Variants in RECK observed in about 807,000 individuals in gnomAD.
RECK encodes the protein reversion inducing cysteine rich protein with kazal motifs.
A neutral mutation model predicts 115.1 loss-of-function variants in RECK; 69 were observed. The ratio of observed to expected loss-of-function variants is 0.60; its 90% CI spans 0.49 to 0.73. The LOEUF is 0.73. Among genes scored for constraint, RECK ranks in the 30% least tolerant of loss-of-function variants. The pLI is 0.00. For synonymous variants in RECK, 414 were observed against 419.7 expected (o/e 0.99, Z 0.17); for missense variants, 1,047 against 1,203.7 (o/e 0.87, Z 1.93).
rs1440360945 is a variant in RECK, at chr9:36,094,257, TAAC to T, written c.1085+2917_1085+2919del. Among the ~76,000 whole-genome samples, 2 of 152,022 alleles carry T rather than the reference TAAC, an allele frequency of 1.3e-5. No homozygotes were observed. Among genetic ancestry groups the T allele is most frequent in the Non-Finnish European group, 2.9e-5 (2 of 67,962 alleles). ...AAGTAATTGGTTAAAGCAAAAATAA[TAAC>T]AATGTATTGTGGAATTTATACATAG... is the stretch of plus-strand genomic sequence containing the variant. On this transcript the variant is annotated intron_variant, in intron 10 of 20. Transcript: ENST00000377966. This position sits in a 1 kb window ranked among gnomAD's most constrained non-coding sequence, Gnocchi z 4.1.
At chr9:36,116,190 G>A (rs963970690) in intron 16 of RECK, among the ~76,000 whole-genome samples, 63 of 149,458 alleles carry the variant, frequency 4.2e-4, no homozygotes, top group African/African-American at 1.5e-3. Context: ...GTGCAATGGC[G>A]CGATATCAGC....
At chr9:36,057,882 G>A (rs1273408336) in intron 2 of RECK, among the ~76,000 whole-genome samples, 1 of 151,924 alleles carries the variant, frequency 6.6e-6, no homozygotes, top group Non-Finnish European at 1.5e-5. Flanking sequence ...CATTTATGCA[G>A]CCAAAAAACA....
intron 6 of RECK, among the ~76,000 whole-genome samples, chr9:36,074,437 A>G (rs1216591023): frequency 6.6e-6 from 1 of 152,234 alleles, no homozygotes; most frequent in South Asian, 2.1e-4. Context: ...ATGGGAAGAG[A>G]GAAATCCAAA....
intron 14 of RECK, among the ~76,000 whole-genome samples, chr9:36,109,406 G>A (rs988092455): frequency 6.6e-6 from 1 of 152,212 alleles, no homozygotes; most frequent in South Asian, 2.1e-4. Context: ...AAAGCAGAAG[G>A]GGCAGCCAGA....
chr9:36,094,677 T>G lies in RECK; in HGVS notation c.1085+3334T>G, dbSNP rs1157528556. Among the ~76,000 whole-genome samples the G allele has an allele frequency of 6.6e-6, 1 of 152,168 alleles. No individual in the cohort carries two copies. Among genetic ancestry groups the G allele is most frequent in the Admixed American group, 6.5e-5 (1 of 15,278 alleles). On this transcript the variant is annotated intron_variant, in intron 10 of 20. Coordinates refer to ENST00000377966, the MANE Select transcript of RECK (RefSeq NM_021111.3). The surrounding 1 kb of genome is among the most constrained non-coding windows in gnomAD (Gnocchi z 4.1). ...GAGGTTGTTAGAAAGACAAAGACTA[T>G]TATTGGAGATAAAGAGTATCACCTT... is the stretch of plus-strand genomic sequence containing the variant.
At chr9:36,108,900 C>A (rs1457386945) in intron 14 of RECK, among the ~76,000 whole-genome samples, 2 of 152,002 alleles carry the variant, frequency 1.3e-5, no homozygotes, top group Non-Finnish European at 2.9e-5. Context: ...GTTCCCTCCC[C>A]ACAAGCTCAC....
intron 1 of RECK, among the ~76,000 whole-genome samples, chr9:36,052,058 G>A (rs1280028126): frequency 1.3e-5 from 2 of 152,140 alleles, no homozygotes. Flanking sequence ...CTATTAGACT[G>A]CAAGCTTCTT....
chr9:36,088,989 C>G (rs762571983), intron 9 of RECK, among the ~76,000 whole-genome samples: 94 of 152,204 alleles, frequency 6.2e-4, no homozygotes, highest in Non-Finnish European at 1.2e-3. Flanking sequence ...CCACTGCACT[C>G]CAGCCTGAGT....
chr9:36,037,154 T>C (rs911957919), intron 1 of RECK, 56 bp downstream of exon 1: 95 of 885,622 alleles, frequency 1.1e-4, no homozygotes, highest in African/African-American at 1.9e-4. Flanking sequence ...GCCACAGCGC[T>C]CCAAGATGGC....
chr9:36,042,637 G>T (rs149028066), intron 1 of RECK, among the ~76,000 whole-genome samples: 142 of 152,150 alleles, frequency 9.3e-4, no homozygotes, highest in East Asian at 6.2e-3. Flanking sequence ...GCTGCTATAA[G>T]CATGCGTGTG....
intron 10 of RECK, 134 bp downstream of exon 10, chr9:36,091,477 G>A (rs773795118): frequency 4.3e-6 from 3 of 701,430 alleles, no homozygotes; most frequent in Non-Finnish European, 6.5e-6. Context: ...TTTAAATGCA[G>A]TATTCCATCT....
At position 36,091,071 on chromosome 9, in the gene RECK, A is replaced by G. The variant is rs554461232; in HGVS notation, c.906-93A>G. 74 of 1,159,144 alleles carry G rather than the reference A, an allele frequency of 6.4e-5. No homozygotes were observed. The South Asian group carries it at 1.1e-3, about 17-fold the overall frequency. 71.8% of individuals were successfully genotyped at this position (1,159,144 alleles called of 1,614,324 possible). Reference sequence around the variant, plus strand: ...TTACTTTTTTTCTCACATACGTTCCAAAGTATATAGTTCATAGAGTTTTAG... The same window carrying G: ...TTACTTTTTTTCTCACATACGTTCCGAAGTATATAGTTCATAGAGTTTTAG... On this transcript the variant is annotated intron_variant, in intron 9 of 20. Coordinates refer to ENST00000377966, the MANE Select transcript of RECK (RefSeq NM_021111.3).
intron 18 of RECK, among the ~76,000 whole-genome samples, 168 bp downstream of exon 18, chr9:36,119,135 G>A (rs1824370833): frequency 1.3e-5 from 2 of 152,040 alleles, no homozygotes; most frequent in African/African-American, 4.8e-5. Context: ...AAAAAACTAG[G>A]GCTTGCCTTC....
intron 1 of RECK, among the ~76,000 whole-genome samples, chr9:36,042,363 C>G (rs928062051): frequency 6.6e-6 from 1 of 151,956 alleles, no homozygotes; most frequent in Non-Finnish European, 1.5e-5. Context: ...TCTCCAACTT[C>G]ATACAGGTTG....
At chr9:36,075,969 G>C (rs1168110891) in intron 6 of RECK, among the ~76,000 whole-genome samples, 1 of 152,148 alleles carries the variant, frequency 6.6e-6, no homozygotes, top group Non-Finnish European at 1.5e-5. Flanking sequence ...ATGAAAATGA[G>C]AGAGAGCTGG....
At chr9:36,121,101 G>A (rs933552824) in intron 19 of RECK, among the ~76,000 whole-genome samples, 5 of 152,180 alleles carry the variant, frequency 3.3e-5, no homozygotes, top group Admixed American at 6.5e-5. Flanking sequence ...ACCAGTCCCC[G>A]TGCCTCCTGA....
intron 16 of RECK, among the ~76,000 whole-genome samples, chr9:36,115,000 C>T (rs778268954): frequency 6.6e-6 from 1 of 152,086 alleles, no homozygotes; most frequent in Non-Finnish European, 1.5e-5. Context: ...TCACCATGGG[C>T]TTGTATTATG....
intron 1 of RECK, among the ~76,000 whole-genome samples, chr9:36,044,318 C>T (rs1330921295): frequency 6.6e-6 from 1 of 151,638 alleles, no homozygotes; most frequent in Non-Finnish European, 1.5e-5. Context: ...GATTTTATAC[C>T]TTGATTTTGT....
intron 13 of RECK, among the ~76,000 whole-genome samples, chr9:36,106,209 C>CAA (rs76229325): frequency 2.2e-3 from 119 of 54,784 alleles, no homozygotes; most frequent in African/African-American, 6.5e-3. Flanking sequence ...GACTCCGTCT[C>CAA]AAAAAAAAAA....
Sources: gnomAD v4.1 joint callset for allele counts (sites outside exome capture counted in the v4.1 genomes callset) on GRCh38, gnomAD v4.1.1 for gene constraint, Gnocchi (gnomAD v3.1) non-coding constraint, MANE v1.5 for transcripts, NCBI Gene and HGNC (gene_info 2026-07-23, HGNC 2026-07-21) for gene names.